KIF3A: variants seen among roughly 807,000 people sequenced by gnomAD.
KIF3A encodes kinesin family member 3A, also known as kinesin-like protein KIF3A.
KIF3A carries 27 observed loss-of-function variants against 92.6 expected under a neutral mutation model. That is an observed-to-expected ratio of 0.29 (90% CI 0.21 to 0.40). KIF3A has a LOEUF of 0.40. KIF3A is among the 10% of genes least tolerant of loss of function. The pLI, the probability that KIF3A is intolerant of heterozygous loss-of-function variation, is 1.00. For missense variants in KIF3A, 581 were observed against 872.6 expected, an observed-to-expected ratio of 0.67 and a Z score of 4.21; for synonymous variants, 250 against 275.4, an observed-to-expected ratio of 0.91 and a Z score of 0.92.
chr5:132,729,093 G>GT (rs1754137467), intron 2 of KIF3A, among the ~76,000 whole-genome samples: 1 of 152,142 alleles, frequency 6.6e-6, no homozygotes, highest in South Asian at 2.1e-4. Flanking sequence ...GTGCAAAGGC[G>GT]TAAGAACGAT....
chr5:132,709,250 C>G (rs1248067326), intron 9 of KIF3A, among the ~76,000 whole-genome samples: 1 of 151,476 alleles, frequency 6.6e-6, no homozygotes, highest in Admixed American at 6.5e-5. Flanking sequence ...AAAGCCTAAT[C>G]ATTCAAAGGG....
At chr5:132,734,876 CCT>C (rs745649548) in intron 1 of KIF3A, among the ~76,000 whole-genome samples, 11 of 152,098 alleles carry the variant, frequency 7.2e-5, no homozygotes, top group Admixed American at 1.3e-4. Flanking sequence ...CTTTGTTTCC[CCT>C]GAGACTTTAG....
intron 2 of KIF3A, among the ~76,000 whole-genome samples, chr5:132,731,447 T>C (rs1754227815): frequency 6.6e-6 from 1 of 152,042 alleles, no homozygotes; most frequent in Non-Finnish European, 1.5e-5. Context: ...CAAAATCCAA[T>C]ATACAATCCA....
chr5:132,696,417 TACA>T lies in KIF3A; in HGVS notation c.*214_*216del, dbSNP rs1168884392. 1.3e-4 allele frequency: 65 copies of T among 496,962 alleles called. No homozygotes were observed. In the Middle Eastern group the frequency reaches 2.2e-3, roughly 16 times the overall value. The allele number at this position is 496,962 out of a possible 1,614,324, so 30.8% of individuals were successfully genotyped here. ...GCACAGTACAATTGAAGAGTAGTAG[TACA>T]ACAATTTGAACAATCACCAGTTGTA... On this transcript the variant is annotated 3_prime_UTR_variant, in exon 19 of 19. Coordinates refer to ENST00000403231, the MANE Select transcript of KIF3A (RefSeq NM_001300791.2).
downstream of KIF3A, among the ~76,000 whole-genome samples, chr5:132,691,135 C>T (rs965182467): frequency 6.6e-6 from 1 of 152,170 alleles, no homozygotes; most frequent in African/African-American, 2.4e-5. Flanking sequence ...GCACTGTTAC[C>T]ACTAAGTAAT....
chr5:132,704,141 T>C (rs1362826604), intron 11 of KIF3A, among the ~76,000 whole-genome samples: 3 of 152,004 alleles, frequency 2.0e-5, no homozygotes, highest in Non-Finnish European at 4.4e-5. Context: ...AGTTTTAATA[T>C]ATTTTTCAGA....
At chr5:132,720,769 TTGAG>T (rs1031923696) in intron 4 of KIF3A, 55 bp from the exon 5 acceptor site, 10 of 985,400 alleles carry the variant, frequency 1.0e-5, no homozygotes, top group Middle Eastern at 2.4e-4. Context: ...CAATTATTTA[TTGAG>T]TATCTCCTAT....
chr5:132,702,697 T>G (rs376625155), intron 13 of KIF3A, 29 bp from the exon 14 acceptor site: 311 of 1,484,436 alleles, frequency 2.1e-4, no homozygotes, highest in Non-Finnish European at 2.6e-4. Context: ...AACTTCAGAA[T>G]AAATTTCTTT....
Position 132,702,688 on chromosome 5 carries a change from A to G in KIF3A, c.1648-20T>C. On this transcript the variant is annotated intron_variant, in intron 13 of 18. Transcript: ENST00000403231. ...TTCTTGCTATGACAAAAATTAGTAA[A>G]CTTCAGAATAAATTTCTTTGTAAAA... 6.6e-7 allele frequency: 1 copy of G among 1,504,730 alleles called. No homozygotes were observed. The highest frequency in any genetic ancestry group is 9.1e-7 in the Non-Finnish European group (1 of 1,093,408). 93.2% of individuals were successfully genotyped at this position (1,504,730 alleles called of 1,614,324 possible). A position where few individuals can be genotyped will look rare whatever the true frequency, so the allele number is the denominator to read the frequency against.
chr5:132,717,699 T>C (rs758253388), intron 5 of KIF3A, among the ~76,000 whole-genome samples: 22 of 152,118 alleles, frequency 1.4e-4, no homozygotes, highest in Non-Finnish European at 2.4e-4. Flanking sequence ...TATGAATATA[T>C]TGTGTAAACA....
chr5:132,711,086 T>C (rs1357698433), intron 8 of KIF3A, 29 bp from the exon 9 acceptor site: 1 of 1,603,740 alleles, frequency 6.2e-7, no homozygotes, highest in Non-Finnish European at 8.5e-7. Context: ...ACAATGTTTT[T>C]TATCCTGTAC....
chr5:132,725,174 A>G (rs1337954432), intron 4 of KIF3A, among the ~76,000 whole-genome samples: 2 of 152,014 alleles, frequency 1.3e-5, no homozygotes, highest in Non-Finnish European at 2.9e-5. Context: ...ATGAAAGCAC[A>G]GAATTAATCA....
At chr5:132,715,642 C>T (rs1273018685) in intron 8 of KIF3A, 115 bp downstream of exon 8, 3 of 660,186 alleles carry the variant, frequency 4.5e-6, no homozygotes, top group African/African-American at 3.8e-5. Context: ...ATTCATTTAA[C>T]TACCAATGTT....
At chr5:132,725,714 C>T (rs889036332) in intron 4 of KIF3A, among the ~76,000 whole-genome samples, 6 of 152,284 alleles carry the variant, frequency 3.9e-5, no homozygotes, top group African/African-American at 1.4e-4. Context: ...GCCTATATCA[C>T]ATTGCAAGAG....
chr5:132,700,780 A>G (rs1561690467), intron 15 of KIF3A, 80 bp from the exon 16 acceptor site: 5 of 838,682 alleles, frequency 6.0e-6, no homozygotes, highest in Middle Eastern at 3.3e-4. Context: ...TAAAATCTTA[A>G]TAACATTGAG....
intron 4 of KIF3A, among the ~76,000 whole-genome samples, chr5:132,723,895 A>G (rs1455359494): frequency 6.6e-5 from 10 of 152,186 alleles, no homozygotes; most frequent in Non-Finnish European, 1.2e-4. Flanking sequence ...TTTGCAATCT[A>G]CTCATCTGAC....
chr5:132,699,486 C>T (rs1378181344), intron 17 of KIF3A, 191 bp from the exon 18 acceptor site: 2 of 651,196 alleles, frequency 3.1e-6, no homozygotes, highest in Non-Finnish European at 2.8e-6. Flanking sequence ...GAGTAAGAAG[C>T]CCTGACACAC....
At chr5:132,700,741 T>C (rs756316840) in intron 15 of KIF3A, 41 bp from the exon 16 acceptor site, 1 of 1,268,214 alleles carries the variant, frequency 7.9e-7, no homozygotes, top group East Asian at 2.3e-5. Context: ...TAATATTTAA[T>C]AACATCTAAA....
At chr5:132,735,674 C>T (rs972682957) in intron 1 of KIF3A, among the ~76,000 whole-genome samples, 16 of 152,342 alleles carry the variant, frequency 1.1e-4, no homozygotes, top group African/African-American at 3.6e-4. Flanking sequence ...CCTAACTATA[C>T]TCCTGAATCT....
Sources: gnomAD v4.1 joint callset for allele counts (sites outside exome capture counted in the v4.1 genomes callset) on GRCh38, gnomAD v4.1.1 for gene constraint, MANE v1.5 for transcripts, NCBI Gene and HGNC (gene_info 2026-07-23, HGNC 2026-07-21) for gene names.